FAM222A: variants seen among roughly 807,000 people sequenced by gnomAD.
FAM222A encodes the protein protein FAM222A.
FAM222A carries 7 observed loss-of-function variants against 25.8 expected under a neutral mutation model. The ratio of observed to expected loss-of-function variants is 0.27; its 90% CI spans 0.15 to 0.51. The LOEUF is 0.51. Ranked by LOEUF, FAM222A falls within the 20% of genes least tolerant of loss-of-function variation. The probability of loss-of-function intolerance (pLI) is 0.97; values close to 1 mark genes in which losing one functional copy is unlikely to be tolerated. For missense variants in FAM222A, 573 were observed against 640.5 expected (o/e 0.89, Z 1.14); for synonymous variants, 294 against 298.8 (o/e 0.98, Z 0.17).
rs1201411928 is a variant in FAM222A, at chr12:109,759,191, C to T, written c.83-8821C>T. On this transcript the variant is annotated intron_variant, in intron 2 of 2. Coordinates refer to ENST00000538780, the MANE Select transcript of FAM222A (RefSeq NM_032829.3). The stretch of plus-strand genomic sequence containing the variant: ...CACTCCCAGCTCCTTGGACAGGCGA[C>T]TTGCCCTCTCCAAGCCTCAGCTGCT... Among the ~76,000 whole-genome samples, 12 of 152,220 alleles carry T rather than the reference C, an allele frequency of 7.9e-5. 1 individual carries two copies. Among genetic ancestry groups the T allele is most frequent in the African/African-American group, 2.9e-4 (12 of 41,438 alleles).
chr12:109,744,321 G>A (rs770129945), intron 2 of FAM222A, 93 bp downstream of exon 2: 65 of 1,489,492 alleles, frequency 4.4e-5, no homozygotes, highest in South Asian at 7.8e-5. Context: ...TGGCCCTGTC[G>A]GAAAGTCTCT....
chr12:109,733,927 C>T (rs1156558060), intron 1 of FAM222A, among the ~76,000 whole-genome samples: 2 of 152,068 alleles, frequency 1.3e-5, no homozygotes, highest in Non-Finnish European at 2.9e-5. Context: ...AGAAAAGCCA[C>T]GGAAGACTGG....
chr12:109,766,029 C>G (rs1889039551), intron 2 of FAM222A, among the ~76,000 whole-genome samples: 1 of 152,214 alleles, frequency 6.6e-6, no homozygotes, highest in Admixed American at 6.5e-5. Flanking sequence ...TGAAGCTCCT[C>G]TCCCAGGCTC....
chr12:109,715,614 T>C (rs1887628684), intron 1 of FAM222A, among the ~76,000 whole-genome samples: 1 of 152,160 alleles, frequency 6.6e-6, no homozygotes, highest in Non-Finnish European at 1.5e-5. Context: ...TGCAGTCCTC[T>C]GACCTAAATC....
intron 1 of FAM222A, among the ~76,000 whole-genome samples, chr12:109,733,434 T>C (rs148952023): frequency 7.9e-5 from 12 of 151,590 alleles, no homozygotes; most frequent in South Asian, 4.2e-4. Context: ...CGGAGTCTCG[T>C]TCTGTCACCC....
chr12:109,769,454 G>A lies in FAM222A; in HGVS notation c.*166G>A, dbSNP rs1889180382. 6.9e-6 allele frequency: 6 copies of A among 866,028 alleles called. No individual in the cohort carries two copies. Among genetic ancestry groups the A allele is most frequent in the African/African-American group, 3.4e-5 (2 of 58,824 alleles). 53.6% of individuals were successfully genotyped at this position (866,028 alleles called of 1,614,324 possible). On this transcript the variant is annotated 3_prime_UTR_variant, in exon 3 of 3. Coordinates refer to ENST00000538780, the MANE Select transcript of FAM222A (RefSeq NM_032829.3). ...GCCTCGCTGTGGCCGGATGGAGGGT[G>A]GCAGGGCAACCTCACATACCAAGGC...
intron 2 of FAM222A, among the ~76,000 whole-genome samples, chr12:109,751,598 A>G (rs1888560750): frequency 6.6e-6 from 1 of 152,268 alleles, no homozygotes; most frequent in Middle Eastern, 3.4e-3. Flanking sequence ...AGAGTTTCCT[A>G]TGTGTGCTTA....
intron 1 of FAM222A, among the ~76,000 whole-genome samples, chr12:109,718,254 A>G (rs1887681202): frequency 6.6e-6 from 1 of 152,068 alleles, no homozygotes; most frequent in Admixed American, 6.5e-5. Context: ...AGAGGCCCGA[A>G]CTCTACCAGC....
At chr12:109,732,511 C>G (rs1736404596) in intron 1 of FAM222A, among the ~76,000 whole-genome samples, 1 of 152,260 alleles carries the variant, frequency 6.6e-6, no homozygotes, top group South Asian at 2.1e-4. Context: ...AGCCGTTGTT[C>G]TGCACACATC....
intron 2 of FAM222A, among the ~76,000 whole-genome samples, chr12:109,751,827 G>A (rs1428984514): frequency 6.6e-6 from 1 of 152,148 alleles, no homozygotes; most frequent in East Asian, 1.9e-4. Context: ...TGTAGGTGTG[G>A]CCCTTTTTTC....
chr12:109,757,178 T>C (rs992287197), intron 2 of FAM222A, among the ~76,000 whole-genome samples: 3 of 152,352 alleles, frequency 2.0e-5, no homozygotes, highest in South Asian at 2.1e-4. Flanking sequence ...TTTAAAGACC[T>C]AAATAAACTT....
At chr12:109,727,392 G>A (rs1477763394) in intron 1 of FAM222A, among the ~76,000 whole-genome samples, 2 of 152,136 alleles carry the variant, frequency 1.3e-5, no homozygotes, top group Non-Finnish European at 2.9e-5. Context: ...AGGTTTGGCC[G>A]ACACCTCCAG....
intron 1 of FAM222A, among the ~76,000 whole-genome samples, chr12:109,723,991 G>A (rs1887797595): frequency 6.6e-6 from 1 of 152,030 alleles, no homozygotes; most frequent in Non-Finnish European, 1.5e-5. Context: ...AGAAACAATT[G>A]CCAAGGTTTT....
At chr12:109,744,310 A>G (rs1024513732) in intron 2 of FAM222A, 82 bp downstream of exon 2, 2 of 1,509,120 alleles carry the variant, frequency 1.3e-6, no homozygotes, top group African/African-American at 1.4e-5. Flanking sequence ...TCCACCTACC[A>G]TGGCCCTGTC....
At chr12:109,716,249 C>T (rs754996991) in intron 1 of FAM222A, among the ~76,000 whole-genome samples, 2 of 152,294 alleles carry the variant, frequency 1.3e-5, no homozygotes, top group Non-Finnish European at 2.9e-5. Flanking sequence ...CTCTGGGATT[C>T]GTCTAGGTCC....
intron 2 of FAM222A, among the ~76,000 whole-genome samples, chr12:109,754,527 A>G (rs544803922): frequency 6.6e-6 from 1 of 152,340 alleles, no homozygotes; most frequent in South Asian, 2.1e-4. Flanking sequence ...TTCTTTTGTA[A>G]TTTATTAACA....
At chr12:109,718,885 G>A (rs995209656) in intron 1 of FAM222A, among the ~76,000 whole-genome samples, 2 of 152,260 alleles carry the variant, frequency 1.3e-5, no homozygotes, top group Non-Finnish European at 2.9e-5. Context: ...TGGAGGCTGG[G>A]AAGAGGGATG....
chr12:109,744,052 A>C, intron 1 of FAM222A, 49 bp from the exon 2 acceptor site: 1 of 1,506,296 alleles, frequency 6.6e-7, no homozygotes, highest in Non-Finnish European at 8.9e-7. Context: ...GTGGGAGGCG[A>C]ACACGGAGCA....
At chr12:109,759,295 C>T (rs1184311992) in intron 2 of FAM222A, among the ~76,000 whole-genome samples, 1 of 152,132 alleles carries the variant, frequency 6.6e-6, no homozygotes, top group Non-Finnish European at 1.5e-5. Context: ...CTCCCTGGAC[C>T]CAGCCTGGCC....
Sources: allele counts gnomAD v4.1 joint callset (sites outside exome capture counted in the v4.1 genomes callset), GRCh38; gene constraint gnomAD v4.1.1; transcripts MANE v1.5; gene names NCBI Gene and HGNC (gene_info 2026-07-23, HGNC 2026-07-21).